ABAT: variants seen among roughly 807,000 people sequenced by gnomAD.
ABAT encodes the protein 4-aminobutyrate aminotransferase.
Under a neutral mutation model 64.6 loss-of-function variants are expected in ABAT, and 45 were observed. That is an observed-to-expected ratio of 0.70 (90% CI 0.55 to 0.89). ABAT has a LOEUF of 0.89. Among genes scored for constraint, ABAT ranks in the 40% least tolerant of loss-of-function variants. The pLI, the probability that ABAT is intolerant of heterozygous loss-of-function variation, is 0.00. For synonymous variants in ABAT, 297 were observed against 250.5 expected (o/e 1.19, Z -1.75); for missense variants, 633 against 658.4 (o/e 0.96, Z 0.42).
At chr16:8,680,152 C>T (rs2057298551) in intron 1 of ABAT, among the ~76,000 whole-genome samples, 1 of 152,134 alleles carries the variant, frequency 6.6e-6, no homozygotes, top group South Asian at 2.1e-4. Context: ...ACATCCTAGA[C>T]TTCCTGGGTC....
intron 1 of ABAT, among the ~76,000 whole-genome samples, chr16:8,716,427 A>C (rs1041777857): frequency 1.3e-5 from 2 of 152,048 alleles, no homozygotes; most frequent in African/African-American, 4.8e-5. Flanking sequence ...TGCTGCTGCT[A>C]ATTGTATTTG....
At chr16:8,735,878 G>A in intron 2 of ABAT, 69 bp downstream of exon 2, 1 of 1,389,218 alleles carries the variant, frequency 7.2e-7, no homozygotes, top group Non-Finnish European at 9.9e-7. Context: ...GGATTCCTGG[G>A]CTGGAAGAGC....
chr16:8,772,593 G>A (rs1199127357), intron 11 of ABAT, among the ~76,000 whole-genome samples, 187 bp from the exon 12 acceptor site: 4 of 152,330 alleles, frequency 2.6e-5, no homozygotes, highest in African/African-American at 7.2e-5. Flanking sequence ...TGCTAGCACC[G>A]ATTTCAAGTA....
At chr16:8,744,082 C>T (rs952363925) in intron 2 of ABAT, among the ~76,000 whole-genome samples, 1 of 152,094 alleles carries the variant, frequency 6.6e-6, no homozygotes, top group Non-Finnish European at 1.5e-5. Flanking sequence ...AAACTCATTA[C>T]ACATTATGTG....
chr16:8,770,201 G>C (rs561450280), intron 11 of ABAT, among the ~76,000 whole-genome samples: 1 of 148,588 alleles, frequency 6.7e-6, no homozygotes, highest in East Asian at 2.0e-4. Flanking sequence ...GCAGTGGCGC[G>C]ATCTCAGCTC....
In ABAT at chr16:8,781,197, G is replaced by C. The variant is rs1398619226; in HGVS notation, c.1382-112G>C. On this transcript the variant is annotated intron_variant, in intron 15 of 15. Transcript: ENST00000268251. This position sits in a 1 kb window ranked among gnomAD's most constrained non-coding sequence, Gnocchi z 4.5. The stretch of plus-strand genomic sequence containing the variant: ...GCTTCCATGATGGAGGATGATGGAT[G>C]GATGGATGGATGGATGGATGAGCGT... The C allele has an allele frequency of 3.5e-5, 47 of 1,338,394 alleles. No individual in the cohort carries two copies. Among genetic ancestry groups the C allele is most frequent in the Non-Finnish European group, 4.5e-5 (44 of 970,120 alleles). The allele number at this position is 1,338,394 out of a possible 1,614,324, so 82.9% of individuals were successfully genotyped here. A position where few individuals can be genotyped will look rare whatever the true frequency, so the allele number is the denominator to read the frequency against.
rs772804673 is a variant in ABAT at position 8,776,533 on chromosome 16, C to G, written c.1269+43C>G. On this transcript the variant is annotated intron_variant, in intron 14 of 15. Transcript: ENST00000268251. The surrounding 1 kb of genome is among the most constrained non-coding windows in gnomAD (Gnocchi z 4.4). ...GCCCCGCCCCCACCACCCATGGCTC[C>G]CCGCAGCAGCCTCCGGGGCAACACT... is the stretch of plus-strand genomic sequence containing the variant. 2 of 1,544,354 alleles carry G rather than the reference C, an allele frequency of 1.3e-6. No individual in the cohort carries two copies. The highest frequency in any genetic ancestry group is 1.9e-5 in the Admixed American group (1 of 51,754).
chr16:8,679,577 T>A (rs554287160), intron 1 of ABAT, among the ~76,000 whole-genome samples: 5 of 150,028 alleles, frequency 3.3e-5, no homozygotes, highest in African/African-American at 1.2e-4. Context: ...ACCTCTCTCA[T>A]TGGGCCGCTG....
rs1407511255 is a variant in ABAT at position 8,739,196 on chromosome 16, T to C, written c.70+3387T>C. On this transcript the variant is annotated intron_variant, in intron 2 of 15. Coordinates refer to ENST00000268251, the MANE Select transcript of ABAT (RefSeq NM_020686.6). ...TGTGGAGCTCTAGCCTGGTGGCGCA[T>C]GTGGCACCATCTTTAAAGGTCATTC... Among the ~76,000 whole-genome samples the C allele has an allele frequency of 3.3e-5, 5 of 152,190 alleles. No individual in the cohort carries two copies. The South Asian group carries it at 6.2e-4, about 19-fold the overall frequency.
At chr16:8,732,398 T>C (rs555544077) in intron 1 of ABAT, among the ~76,000 whole-genome samples, 2,320 of 150,486 alleles carry the variant, frequency 0.015, 132 homozygotes, top group African/African-American at 0.055. Context: ...CCCTGGGTAC[T>C]TGAGATTAGG....
chr16:8,726,465 G>A (rs928601890), intron 1 of ABAT, among the ~76,000 whole-genome samples: 2 of 151,892 alleles, frequency 1.3e-5, no homozygotes, highest in Non-Finnish European at 2.9e-5. Context: ...AGCCATGTTC[G>A]CCAGGCTGGC....
chr16:8,748,476 C>T (rs2059392947), intron 4 of ABAT, among the ~76,000 whole-genome samples: 1 of 152,062 alleles, frequency 6.6e-6, no homozygotes. Flanking sequence ...GGAGAATATT[C>T]CATATGTACT....
At chr16:8,757,299 C>T (rs537597725) in intron 5 of ABAT, 3 of 387,582 alleles carry the variant, frequency 7.7e-6, no homozygotes, top group Non-Finnish European at 1.5e-5. Context: ...CCCCGAGTAC[C>T]TGGGATTACA....
At chr16:8,737,984 G>GAAAGAAAGAAAGAAA (rs1567295623) in intron 2 of ABAT, among the ~76,000 whole-genome samples, 2 of 75,512 alleles carry the variant, frequency 2.6e-5, no homozygotes, top group Non-Finnish European at 2.5e-5. Context: ...AAGGAAGGAA[G>GAAAGAAAGAAAGAAA]GAAGGAGGAA....
intron 14 of ABAT, among the ~76,000 whole-genome samples, chr16:8,777,030 C>G (rs2060286369): frequency 6.6e-6 from 1 of 152,152 alleles, no homozygotes; most frequent in African/African-American, 2.4e-5. Flanking sequence ...TCCCAAGTAG[C>G]TGGGATTACG....
chr16:8,732,225 A>C (rs1243845206), intron 1 of ABAT, among the ~76,000 whole-genome samples: 1 of 87,664 alleles, frequency 1.1e-5, no homozygotes, highest in African/African-American at 4.4e-5. Flanking sequence ...TTGTTTTTTT[A>C]ATTTATTTAT....
intron 2 of ABAT, among the ~76,000 whole-genome samples, chr16:8,738,640 G>C (rs1356791111): frequency 9.1e-6 from 1 of 110,304 alleles, no homozygotes; most frequent in Non-Finnish European, 1.8e-5. Context: ...TTTTTTTTTG[G>C]TGTGTGTGTA....
At chr16:8,725,495 A>G (rs2058523849) in intron 1 of ABAT, among the ~76,000 whole-genome samples, 1 of 152,242 alleles carries the variant, frequency 6.6e-6, no homozygotes, top group Admixed American at 6.5e-5. Flanking sequence ...GCATTCATTC[A>G]TATAGCATAA....
chr16:8,677,101 C>T (rs1045930230), intron 1 of ABAT, among the ~76,000 whole-genome samples: 2 of 152,128 alleles, frequency 1.3e-5, no homozygotes, highest in Non-Finnish European at 2.9e-5. Context: ...TTATCTGGGT[C>T]GAGAGCACAA....
Sources: allele counts gnomAD v4.1 joint callset (sites outside exome capture counted in the v4.1 genomes callset), GRCh38; gene constraint gnomAD v4.1.1; non-coding constraint Gnocchi (gnomAD v3.1); transcripts MANE v1.5; gene names NCBI Gene and HGNC (gene_info 2026-07-23, HGNC 2026-07-21).